CAMTA1: variants seen among roughly 807,000 people sequenced by gnomAD.
The protein encoded by CAMTA1 is calmodulin binding transcription activator 1.
Under a neutral mutation model 170.9 loss-of-function variants are expected in CAMTA1, and 27 were observed. The ratio of observed to expected loss-of-function variants is 0.16; its 90% CI spans 0.12 to 0.22. The LOEUF (loss-of-function observed/expected upper bound fraction) is 0.22, where lower values mean the gene tolerates loss of function less well. Among genes scored for constraint, CAMTA1 ranks in the 10% least tolerant of loss-of-function variants. The pLI is 1.00. For synonymous variants in CAMTA1, 833 were observed against 891.5 expected (o/e 0.93, Z 1.17); for missense variants, 1,619 against 2,217.2 (o/e 0.73, Z 5.42).
intron 6 of CAMTA1, among the ~76,000 whole-genome samples, chr1:7,629,489 G>A (rs1191074768): frequency 6.6e-6 from 1 of 152,252 alleles, no homozygotes; most frequent in Admixed American, 6.5e-5. Context: ...ACTGCCCGCT[G>A]TGTAGTTTGA....
intron 3 of CAMTA1, among the ~76,000 whole-genome samples, chr1:6,846,934 AGTAT>A (rs150643577): frequency 0.017 from 2,641 of 152,288 alleles, 93 homozygotes; most frequent in African/African-American, 0.061. Context: ...AGAATTATAA[AGTAT>A]GTGTGTATAA....
chr1:7,368,501 C>T (rs2086192297), intron 5 of CAMTA1, among the ~76,000 whole-genome samples: 1 of 152,144 alleles, frequency 6.6e-6, no homozygotes. Flanking sequence ...GCACACAAAG[C>T]AGTCCTATTT....
intron 4 of CAMTA1, among the ~76,000 whole-genome samples, chr1:7,209,005 C>T (rs1030108890): frequency 7.2e-5 from 11 of 152,170 alleles, no homozygotes; most frequent in Admixed American, 7.2e-4. Context: ...TATTCCTAGT[C>T]TGGCCATGAT....
chr1:6,977,295 C>T (rs1159889495), intron 3 of CAMTA1, among the ~76,000 whole-genome samples: 21 of 151,914 alleles, frequency 1.4e-4, no homozygotes, highest in Non-Finnish European at 1.8e-4. Context: ...CACTCGGTGC[C>T]AGTGGGGTTA....
intron 3 of CAMTA1, among the ~76,000 whole-genome samples, chr1:6,953,091 C>T (rs754131702): frequency 7.2e-5 from 11 of 152,106 alleles, no homozygotes; most frequent in Non-Finnish European, 1.6e-4. Context: ...TCAGCATTTC[C>T]CTCAGTTATT....
At chr1:6,886,373 T>G (rs1673226197) in intron 3 of CAMTA1, 1 of 435,096 alleles carries the variant, frequency 2.3e-6, no homozygotes, top group African/African-American at 2.0e-5. Flanking sequence ...TGCCTTGAAA[T>G]CTTCAATTTG....
At chr1:7,348,845 A>AAAGGACG (rs2084427489) in intron 5 of CAMTA1, among the ~76,000 whole-genome samples, 1 of 152,184 alleles carries the variant, frequency 6.6e-6, no homozygotes. Context: ...ATTAGACAGA[A>AAAGGACG]AAGGACGTCT....
At chr1:6,912,901 G>T (rs1415866143) in intron 3 of CAMTA1, among the ~76,000 whole-genome samples, 2 of 152,230 alleles carry the variant, frequency 1.3e-5, no homozygotes, top group Admixed American at 6.5e-5. Flanking sequence ...GCACCAGGAG[G>T]TTGTGTGGCC....
At chr1:7,498,608 C>T (rs1034197761) in intron 6 of CAMTA1, among the ~76,000 whole-genome samples, 39 of 151,782 alleles carry the variant, frequency 2.6e-4, no homozygotes, top group African/African-American at 7.5e-4. Flanking sequence ...TGAGTGTGAA[C>T]ATCTGTGTGC....
At chr1:7,427,593 C>A (rs1408915132) in intron 5 of CAMTA1, among the ~76,000 whole-genome samples, 1 of 152,188 alleles carries the variant, frequency 6.6e-6, no homozygotes, top group Non-Finnish European at 1.5e-5. Flanking sequence ...AAATCCTTCC[C>A]AGCAGTGAGT....
intron 4 of CAMTA1, among the ~76,000 whole-genome samples, chr1:7,162,005 C>T (rs1055644122): frequency 2.6e-5 from 4 of 152,168 alleles, no homozygotes; most frequent in African/African-American, 9.7e-5. Context: ...TGAACTCAAA[C>T]TTGAAGGAGA....
intron 4 of CAMTA1, among the ~76,000 whole-genome samples, chr1:7,096,309 C>T (rs1642068186): frequency 1.3e-5 from 2 of 152,134 alleles, no homozygotes; most frequent in African/African-American, 4.8e-5. Context: ...GATCTTTCCC[C>T]GCCCTGATGG....
intron 6 of CAMTA1, among the ~76,000 whole-genome samples, chr1:7,577,171 G>A (rs1421328222): frequency 3.3e-5 from 5 of 152,210 alleles, no homozygotes; most frequent in African/African-American, 7.2e-5. Context: ...GTGCTTGGCT[G>A]TGAGATCAGA....
At chr1:7,501,093 G>A (rs373534116) in intron 6 of CAMTA1, among the ~76,000 whole-genome samples, 3 of 152,118 alleles carry the variant, frequency 2.0e-5, no homozygotes, top group African/African-American at 7.2e-5. Context: ...GCCACCCCTC[G>A]TCCTTGACAC....
intron 4 of CAMTA1, among the ~76,000 whole-genome samples, chr1:7,229,265 T>C (rs1662250214): frequency 1.3e-5 from 2 of 150,600 alleles, no homozygotes; most frequent in Non-Finnish European, 3.0e-5. Flanking sequence ...ATTTCCCAGA[T>C]TTGTAGAGGT....
Position 7,041,456 on chromosome 1 carries a change from G to A in CAMTA1, c.235-49848G>A, listed in dbSNP as rs1440316001. Among the ~76,000 whole-genome samples, 1 of 152,244 alleles carries A rather than the reference G, an allele frequency of 6.6e-6. No individual in the cohort carries two copies. The highest frequency in any genetic ancestry group is 1.5e-5 in the Non-Finnish European group (1 of 68,048). ...CAGTTTTAAGTGAAATTCCTGTTGA[G>A]AGTCTCTTAAGCTAGATTTATATCT... On this transcript the variant is annotated intron_variant, in intron 3 of 22. Transcript: ENST00000303635. The surrounding 1 kb of genome is among the most constrained non-coding windows in gnomAD (Gnocchi z 5.1).
intron 12 of CAMTA1, among the ~76,000 whole-genome samples, chr1:7,733,592 A>C (rs2096749675): frequency 6.6e-6 from 1 of 152,148 alleles, no homozygotes; most frequent in South Asian, 2.1e-4. Context: ...TCTCCCAGGG[A>C]GAAATTATTT....
intron 6 of CAMTA1, among the ~76,000 whole-genome samples, chr1:7,578,164 T>A (rs1262227506): frequency 6.6e-6 from 1 of 152,194 alleles, no homozygotes; most frequent in Non-Finnish European, 1.5e-5. Flanking sequence ...TACACACCCC[T>A]GTTCATGTCT....
intron 6 of CAMTA1, among the ~76,000 whole-genome samples, chr1:7,629,855 G>C (rs2095656866): frequency 6.6e-6 from 1 of 151,860 alleles, no homozygotes; most frequent in African/African-American, 2.4e-5. Flanking sequence ...TGTGGATCCT[G>C]GGAGGTCCTC....
Sources: allele counts gnomAD v4.1 joint callset (sites outside exome capture counted in the v4.1 genomes callset), GRCh38; gene constraint gnomAD v4.1.1; non-coding constraint Gnocchi (gnomAD v3.1); transcripts MANE v1.5; gene names NCBI Gene and HGNC (gene_info 2026-07-23, HGNC 2026-07-21).